PDZRN3: variants seen among roughly 807,000 people sequenced by gnomAD.
PDZRN3 encodes E3 ubiquitin-protein ligase PDZRN3.
In PDZRN3, 38 loss-of-function variants were observed where a neutral mutation model predicts 85.7. The observed-to-expected ratio is 0.44, with a 90% CI of 0.34 to 0.58. The LOEUF (loss-of-function observed/expected upper bound fraction) is 0.58, where lower values mean the gene tolerates loss of function less well. PDZRN3 is among the 20% of genes least tolerant of loss of function. The pLI, the probability that PDZRN3 is intolerant of heterozygous loss-of-function variation, is 0.01. For missense variants in PDZRN3, 1,629 were observed against 1,506.4 expected (o/e 1.08, Z -1.35); for synonymous variants, 759 against 638.0 (o/e 1.19, Z -2.86).
intron 3 of PDZRN3, among the ~76,000 whole-genome samples, chr3:73,570,574 G>C (rs989068472): frequency 2.0e-5 from 3 of 152,186 alleles, no homozygotes; most frequent in African/African-American, 7.2e-5. Flanking sequence ...TCCTCTAAAA[G>C]AGAAGGAATC....
intron 3 of PDZRN3, among the ~76,000 whole-genome samples, chr3:73,429,844 C>A (rs576998450): frequency 1.3e-5 from 2 of 152,240 alleles, no homozygotes; most frequent in East Asian, 3.9e-4. Context: ...TGTGTTACTC[C>A]GGAGCTCATT....
At chr3:73,546,560 T>C (rs1044465379) in intron 3 of PDZRN3, among the ~76,000 whole-genome samples, 1 of 152,244 alleles carries the variant, frequency 6.6e-6, no homozygotes. Flanking sequence ...TTTTTTGTAA[T>C]GGCTTCCCCT....
intron 1 of PDZRN3, among the ~76,000 whole-genome samples, chr3:73,623,140 TA>T (rs1261251047): frequency 1.3e-5 from 2 of 152,158 alleles, no homozygotes; most frequent in African/African-American, 4.8e-5. Flanking sequence ...GTGGAGATGT[TA>T]AAAATAATTC....
At chr3:73,394,552 T>A (rs773649388) in intron 5 of PDZRN3, among the ~76,000 whole-genome samples, 2 of 152,152 alleles carry the variant, frequency 1.3e-5, no homozygotes, top group Non-Finnish European at 2.9e-5. Context: ...TGATATTGGA[T>A]GAACAAATGC....
chr3:73,404,628 C>T (rs1332178184), intron 3 of PDZRN3: 1 of 486,606 alleles, frequency 2.1e-6, no homozygotes, highest in Non-Finnish European at 3.6e-6. Flanking sequence ...AGCGGGAAGG[C>T]TTAGCTTCCC....
At chr3:73,561,592 T>C (rs933903694) in intron 3 of PDZRN3, 2 of 152,254 alleles carry the variant, frequency 1.3e-5, no homozygotes, top group African/African-American at 4.8e-5. Flanking sequence ...ACTTTGCTTA[T>C]CCGTTCACTT....
In PDZRN3 at chr3:73,383,319, C is replaced by A; in HGVS notation, c.*46G>T. 1 of 1,518,916 alleles carries A rather than the reference C, an allele frequency of 6.6e-7. No homozygotes were observed. Among genetic ancestry groups the A allele is most frequent in the South Asian group, 1.3e-5 (1 of 76,104 alleles). 94.1% of individuals were successfully genotyped at this position (1,518,916 alleles called of 1,614,324 possible). On this transcript the variant is annotated 3_prime_UTR_variant, in exon 10 of 10. Transcript: ENST00000263666. The stretch of plus-strand genomic sequence containing the variant: ...CATTGAACGAGGCAGGAATTTCTAC[C>A]CCAGTGGTAGTGGTCTCCTTTATGT...
intron 3 of PDZRN3, among the ~76,000 whole-genome samples, chr3:73,583,632 G>A (rs550917838): frequency 6.6e-6 from 1 of 152,250 alleles, no homozygotes; most frequent in African/African-American, 2.4e-5. Flanking sequence ...ACAACAGGAA[G>A]GGAGAAAACT....
rs755795243 is a variant in PDZRN3 at position 73,624,529 on chromosome 3, C to T, written c.297G>A (p.Pro99=). The T allele has an allele frequency of 6.8e-7, 1 of 1,478,422 alleles. No individual in the cohort carries two copies. The highest frequency in any genetic ancestry group is 8.9e-7 in the Non-Finnish European group (1 of 1,120,738). 91.6% of individuals were successfully genotyped at this position (1,478,422 alleles called of 1,614,324 possible). ...CGRVVKLQQL[P]EHLERCDFAP... ...CGAAGTCGCAGCGCTCGAGGTGCTC[C>T]GGCAGCTGCTGCAGCTTGACCACCC... The change falls in exon 1 of 10, where the codon CCG becomes CCA. Residue 99 remains proline (P), a synonymous_variant. Coordinates refer to ENST00000263666, the MANE Select transcript of PDZRN3 (RefSeq NM_015009.3).
rs1235369273 is a variant in PDZRN3 at position 73,545,630 on chromosome 3, G to GA, written c.918+56723dup. 2.0e-5 allele frequency among the ~76,000 whole-genome samples: 3 copies of GA among 152,182 alleles called. No homozygotes were observed. In the East Asian group the frequency reaches 5.8e-4, roughly 29 times the overall value. On this transcript the variant is annotated intron_variant, in intron 3 of 9. Coordinates refer to ENST00000263666, the MANE Select transcript of PDZRN3 (RefSeq NM_015009.3). ...AATGTCCAACCATTCTGACCTACAA[G>GA]AAAAAAGAAGTTTCACAGGGTACAC...
At chr3:73,516,292 A>AT (rs1704254697) in intron 3 of PDZRN3, among the ~76,000 whole-genome samples, 1 of 152,322 alleles carries the variant, frequency 6.6e-6, no homozygotes, top group South Asian at 2.1e-4. Flanking sequence ...GAACATTTTA[A>AT]TTTTAATAGA....
rs574017733 is a variant in PDZRN3 at position 73,385,654 on chromosome 3, G to A, written c.1635+15C>T. ...CAGCAGGGCAGAGTGTCAGGGACTGGTGCGTGGGCGTTACCTGCTGCAGCA... is the reference window on the plus strand; with the variant it reads ...CAGCAGGGCAGAGTGTCAGGGACTGATGCGTGGGCGTTACCTGCTGCAGCA... On this transcript the variant is annotated intron_variant, in intron 9 of 9. Coordinates refer to ENST00000263666, the MANE Select transcript of PDZRN3 (RefSeq NM_015009.3). The A allele has an allele frequency of 2.7e-6, 4 of 1,472,246 alleles. No individual in the cohort carries two copies. The highest frequency in any genetic ancestry group is 1.4e-5 in the African/African-American group (1 of 72,288). The allele number at this position is 1,472,246 out of a possible 1,614,324, so 91.2% of individuals were successfully genotyped here. A position where few individuals can be genotyped will look rare whatever the true frequency, so the allele number is the denominator to read the frequency against.
At chr3:73,554,282 C>T (rs1177253303) in intron 3 of PDZRN3, among the ~76,000 whole-genome samples, 3 of 151,952 alleles carry the variant, frequency 2.0e-5, no homozygotes, top group Non-Finnish European at 4.4e-5. Flanking sequence ...TTTCTCTGCG[C>T]CTCATTTTAC....
chr3:73,430,908 T>C (rs1702417879), intron 3 of PDZRN3, among the ~76,000 whole-genome samples: 1 of 152,194 alleles, frequency 6.6e-6, no homozygotes, highest in African/African-American at 2.4e-5. Context: ...TCAAAGGTAC[T>C]CAAGACAGGC....
intron 3 of PDZRN3, among the ~76,000 whole-genome samples, chr3:73,592,922 C>T (rs1702379894): frequency 6.6e-6 from 1 of 152,186 alleles, no homozygotes; most frequent in Non-Finnish European, 1.5e-5. Context: ...TTTAGCTCCA[C>T]AATGATGTCT....
intron 3 of PDZRN3, chr3:73,569,022 C>T (rs942438566): frequency 2.3e-5 from 10 of 429,976 alleles, no homozygotes; most frequent in African/African-American, 1.2e-4. Flanking sequence ...ATCATTATTC[C>T]CATTTCTAGA....
At position 73,527,206 on chromosome 3, in the gene PDZRN3, G is replaced by A. The variant is rs568475517; in HGVS notation, c.918+75148C>T. On this transcript the variant is annotated intron_variant, in intron 3 of 9. Transcript: ENST00000263666. ...CTTCCTGATGCACAGTGGTAAGGAT[G>A]AAAGGAGACAATATATGGAGAAGGC... 4.6e-5 allele frequency among the ~76,000 whole-genome samples: 7 copies of A among 152,268 alleles called. 1 individual carries two copies. The South Asian group carries it at 6.2e-4, about 14-fold the overall frequency.
chr3:73,598,992 G>C (rs1356246283), intron 3 of PDZRN3, among the ~76,000 whole-genome samples: 1 of 152,154 alleles, frequency 6.6e-6, no homozygotes, highest in African/African-American at 2.4e-5. Context: ...AATGAAGAAT[G>C]GTTCTGCCTC....
intron 3 of PDZRN3, among the ~76,000 whole-genome samples, chr3:73,489,681 T>C (rs1703735272): frequency 6.6e-6 from 1 of 150,848 alleles, no homozygotes; most frequent in Non-Finnish European, 1.5e-5. Context: ...CAAGCGATTC[T>C]CCTGCTTCAG....
Sources: allele counts gnomAD v4.1 joint callset (sites outside exome capture counted in the v4.1 genomes callset), GRCh38; gene constraint gnomAD v4.1.1; transcripts MANE v1.5; gene names NCBI Gene and HGNC (gene_info 2026-07-23, HGNC 2026-07-21).